Variants in PPM1H observed in about 807,000 individuals in gnomAD.
PPM1H encodes the protein protein phosphatase, Mg2+/Mn2+ dependent 1H, also known as protein phosphatase 1H.
Under a neutral mutation model 54.9 loss-of-function variants are expected in PPM1H, and 27 were observed. That is an observed-to-expected ratio of 0.49 (90% CI 0.36 to 0.68). The LOEUF (loss-of-function observed/expected upper bound fraction) is 0.68. PPM1H is among the 30% of genes least tolerant of loss of function. The probability of loss-of-function intolerance (pLI) is 0.00; values close to 1 mark genes in which losing one functional copy is unlikely to be tolerated. For synonymous variants in PPM1H, 305 were observed against 270.8 expected, an observed-to-expected ratio of 1.13 and a Z score of -1.24; for missense variants, 596 against 667.8, an observed-to-expected ratio of 0.89 and a Z score of 1.19.
intron 1 of PPM1H, among the ~76,000 whole-genome samples, chr12:62,838,341 G>GGC (rs1868575144): frequency 7.4e-5 from 10 of 135,754 alleles, no homozygotes; most frequent in Admixed American, 2.1e-4. Context: ...GTGTGTGTGG[G>GGC]GGGGGGGAGA....
At chr12:62,801,092 C>T (rs1235856614) in intron 3 of PPM1H, among the ~76,000 whole-genome samples, 2 of 152,190 alleles carry the variant, frequency 1.3e-5, no homozygotes, top group African/African-American at 4.8e-5. Context: ...GTAAAACAGC[C>T]GTTCTTAGAT....
intron 6 of PPM1H, among the ~76,000 whole-genome samples, chr12:62,696,597 A>G (rs888799691): frequency 5.3e-5 from 8 of 152,222 alleles, no homozygotes; most frequent in African/African-American, 1.9e-4. Context: ...AAAATATAGT[A>G]CTCAAGAGTT....
chr12:62,930,878 C>A (rs1872112645), intron 1 of PPM1H, among the ~76,000 whole-genome samples: 1 of 152,210 alleles, frequency 6.6e-6, no homozygotes, highest in South Asian at 2.1e-4. Context: ...CTTGCAAATA[C>A]CCCTTAGCCA....
chr12:62,880,489 T>G lies in PPM1H; in HGVS notation c.246-48210A>C, dbSNP rs140085059. ...AGTTTGCAACCCCCAGCCTGGAAGC[T>G]GCACCATAAAGGCATGCACACTTAT... On this transcript the variant is annotated intron_variant, in intron 1 of 9. Transcript: ENST00000228705. Among the ~76,000 whole-genome samples the G allele has an allele frequency of 2.1e-3, 314 of 152,300 alleles. 1 individual carries two copies. The highest frequency in any genetic ancestry group is 7.4e-3 in the African/African-American group (309 of 41,568).
chr12:62,784,002 A>G (rs2120688941), intron 4 of PPM1H, among the ~76,000 whole-genome samples: 1 of 152,354 alleles, frequency 6.6e-6, no homozygotes, highest in East Asian at 1.9e-4. Context: ...ATTGCTTTGC[A>G]TGACATTTGC....
At chr12:62,785,069 G>A (rs1163585434) in intron 4 of PPM1H, among the ~76,000 whole-genome samples, 2 of 152,058 alleles carry the variant, frequency 1.3e-5, no homozygotes, top group African/African-American at 4.8e-5. Flanking sequence ...AGCTTATTAG[G>A]TTTTAGAGAT....
At chr12:62,693,098 T>C (rs2076092290) in intron 7 of PPM1H, among the ~76,000 whole-genome samples, 1 of 152,226 alleles carries the variant, frequency 6.6e-6, no homozygotes, top group Non-Finnish European at 1.5e-5. Flanking sequence ...TTGGAATGCT[T>C]CACACCGAGT....
chr12:62,915,165 G>T (rs893320560), intron 1 of PPM1H, among the ~76,000 whole-genome samples: 5 of 152,148 alleles, frequency 3.3e-5, no homozygotes, highest in African/African-American at 1.2e-4. Context: ...TTTGTTTTTT[G>T]TTGTTGTTGT....
At chr12:62,840,043 T>TAGAAAGAC (rs1868673492) in intron 1 of PPM1H, 2 of 126,078 alleles carry the variant, frequency 1.6e-5, no homozygotes, top group Non-Finnish European at 3.3e-5. Flanking sequence ...CGTGCCTCTC[T>TAGAAAGAC]AGAGAGACAG....
intron 1 of PPM1H, among the ~76,000 whole-genome samples, chr12:62,925,322 C>T (rs1234495792): frequency 6.6e-6 from 1 of 152,078 alleles, no homozygotes; most frequent in Non-Finnish European, 1.5e-5. Context: ...CTCACACCTG[C>T]AATCCCAGCA....
chr12:62,916,298 T>C (rs1871619912), intron 1 of PPM1H, among the ~76,000 whole-genome samples: 1 of 152,232 alleles, frequency 6.6e-6, no homozygotes, highest in South Asian at 2.1e-4. Flanking sequence ...TTGCTAAATA[T>C]GGGCATTGTT....
Position 62,843,933 on chromosome 12 carries a change from A to G in PPM1H, c.246-11654T>C, listed in dbSNP as rs142531477. ...AGACCCAGGGCAAAGCTCAGTTAGC[A>G]ATCCAAGTCTCCCTAATTTACAAGG... On this transcript the variant is annotated intron_variant, in intron 1 of 9. Transcript: ENST00000228705. 9.8e-3 allele frequency among the ~76,000 whole-genome samples: 1,495 copies of G among 152,300 alleles called. 14 individuals carry two copies. The highest frequency in any genetic ancestry group is 0.021 in the South Asian group (101 of 4,822).
At chr12:62,803,547 C>CA (rs2076785103) in intron 2 of PPM1H, among the ~76,000 whole-genome samples, 1 of 151,922 alleles carries the variant, frequency 6.6e-6, no homozygotes, top group Admixed American at 6.6e-5. Context: ...GAATCCAACT[C>CA]AAAATAGCCT....
chr12:62,689,348 A>T (rs150306528), intron 8 of PPM1H, among the ~76,000 whole-genome samples: 4 of 152,210 alleles, frequency 2.6e-5, no homozygotes, highest in African/African-American at 9.6e-5. Flanking sequence ...CACCAAGTGA[A>T]TGGGAGTCTG....
chr12:62,758,058 T>C (rs1396833982), intron 4 of PPM1H, among the ~76,000 whole-genome samples: 1 of 152,218 alleles, frequency 6.6e-6, no homozygotes, highest in Non-Finnish European at 1.5e-5. Flanking sequence ...CTGGAGTGCT[T>C]AAAGCTAAGT....
intron 9 of PPM1H, among the ~76,000 whole-genome samples, chr12:62,660,231 C>T (rs2075875888): frequency 6.6e-6 from 1 of 152,148 alleles, no homozygotes; most frequent in African/African-American, 2.4e-5. Flanking sequence ...GTGGTGCCCT[C>T]CTACCAAATT....
At chr12:62,723,953 C>A (rs1270276454) in intron 5 of PPM1H, among the ~76,000 whole-genome samples, 1 of 152,158 alleles carries the variant, frequency 6.6e-6, no homozygotes, top group Non-Finnish European at 1.5e-5. Flanking sequence ...CTTACTCCTC[C>A]TCTAAAGCAA....
chr12:62,871,025 T>C (rs1258026381), intron 1 of PPM1H, among the ~76,000 whole-genome samples: 1 of 152,186 alleles, frequency 6.6e-6, no homozygotes, highest in African/African-American at 2.4e-5. Flanking sequence ...AAGTTAAATA[T>C]ACATCATAAG....
chr12:62,901,800 T>G (rs1871169008), intron 1 of PPM1H, among the ~76,000 whole-genome samples: 1 of 152,076 alleles, frequency 6.6e-6, no homozygotes, highest in Admixed American at 6.5e-5. Context: ...GCTCCAGGCA[T>G]CCCTGGGGCT....
Sources: gnomAD v4.1 joint callset for allele counts (sites outside exome capture counted in the v4.1 genomes callset) on GRCh38, gnomAD v4.1.1 for gene constraint, MANE v1.5 for transcripts, NCBI Gene and HGNC (gene_info 2026-07-23, HGNC 2026-07-21) for gene names.